Variants in BMP7 observed in about 807,000 individuals in gnomAD.
BMP7 encodes bone morphogenetic protein 7.
BMP7 carries 12 observed loss-of-function variants against 41.2 expected under a neutral mutation model. That is an observed-to-expected ratio of 0.29 (90% CI 0.19 to 0.47). BMP7 has a LOEUF of 0.47. Ranked by LOEUF, BMP7 falls within the 20% of genes least tolerant of loss-of-function variation. The probability of loss-of-function intolerance (pLI) is 0.99; values close to 1 mark genes in which losing one functional copy is unlikely to be tolerated. For missense variants in BMP7, 467 were observed against 606.0 expected (o/e 0.77, Z 2.41); for synonymous variants, 248 against 250.0 (o/e 0.99, Z 0.07).
chr20:57,240,985 T>C (rs1177602883), intron 1 of BMP7, among the ~76,000 whole-genome samples: 2 of 152,180 alleles, frequency 1.3e-5, no homozygotes, highest in African/African-American at 4.8e-5. Context: ...GCCCTCCCAC[T>C]GGCCTGGCTG....
At chr20:57,253,383 A>T (rs2066121842) in intron 1 of BMP7, among the ~76,000 whole-genome samples, 1 of 152,196 alleles carries the variant, frequency 6.6e-6, no homozygotes, top group South Asian at 2.1e-4. Context: ...CAAGAAGAAA[A>T]TCGAAAGATC....
chr20:57,265,653 GTC>G, intron 1 of BMP7, 50 bp downstream of exon 1: 1 of 1,559,010 alleles, frequency 6.4e-7, no homozygotes, highest in Non-Finnish European at 8.7e-7. Flanking sequence ...CTCCCTCCCA[GTC>G]TCAAAGTGCC....
At chr20:57,218,436 T>TGTTTGTTTGGTGGTAGCTGGG (rs1985086821) in intron 2 of BMP7, among the ~76,000 whole-genome samples, 1 of 27,914 alleles carries the variant, frequency 3.6e-5, no homozygotes, top group Non-Finnish European at 6.7e-5. Flanking sequence ...TGGTAGCTGG[T>TGTTTGTTTGGTGGTAGCTGGG]GTTTGGTGGT....
At chr20:57,211,283 G>A (rs1408127600) in intron 2 of BMP7, among the ~76,000 whole-genome samples, 1 of 152,214 alleles carries the variant, frequency 6.6e-6, no homozygotes, top group East Asian at 1.9e-4. Flanking sequence ...TGAGGGGCAG[G>A]GAGGCTCAGG....
intron 2 of BMP7, chr20:57,225,978 G>A (rs1243888494): frequency 2.1e-6 from 1 of 470,750 alleles, no homozygotes; most frequent in Non-Finnish European, 4.4e-6. Flanking sequence ...GAGGGACTCA[G>A]TCACTCAGCA....
At chr20:57,181,967 T>C (rs1380105075) in intron 4 of BMP7, among the ~76,000 whole-genome samples, 2 of 152,220 alleles carry the variant, frequency 1.3e-5, no homozygotes, top group Non-Finnish European at 2.9e-5. Context: ...ACTGGCATCT[T>C]GGAGAGGCTA....
intron 3 of BMP7, among the ~76,000 whole-genome samples, chr20:57,191,378 C>A (rs1361546613): frequency 6.6e-6 from 1 of 152,078 alleles, no homozygotes; most frequent in Non-Finnish European, 1.5e-5. Flanking sequence ...GAGGAGCATG[C>A]AAATTAGCCT....
At chr20:57,249,312 G>C (rs2066102975) in intron 1 of BMP7, among the ~76,000 whole-genome samples, 1 of 151,960 alleles carries the variant, frequency 6.6e-6, no homozygotes, top group Non-Finnish European at 1.5e-5. Flanking sequence ...GTTTTGGTAT[G>C]ATACAGGTCC....
chr20:57,262,094 C>G (rs2066156372), intron 1 of BMP7, among the ~76,000 whole-genome samples: 1 of 152,194 alleles, frequency 6.6e-6, no homozygotes, highest in Admixed American at 6.5e-5. Context: ...CAGAGATAAA[C>G]ATGATGACTT....
intron 3 of BMP7, among the ~76,000 whole-genome samples, chr20:57,191,936 GTATAT>G (rs956902407): frequency 8.0e-6 from 1 of 124,268 alleles, no homozygotes; most frequent in Non-Finnish European, 1.6e-5. Context: ...TTCTATTATA[GTATAT>G]TATATAATAT....
At chr20:57,193,011 A>G (rs1984410781) in intron 3 of BMP7, among the ~76,000 whole-genome samples, 1 of 152,140 alleles carries the variant, frequency 6.6e-6, no homozygotes, top group Non-Finnish European at 1.5e-5. Flanking sequence ...CCTACCTGAC[A>G]GGCAGGTAGA....
intron 1 of BMP7, among the ~76,000 whole-genome samples, chr20:57,230,805 T>TGTA (rs2066026485): frequency 1.3e-5 from 2 of 151,556 alleles, no homozygotes; most frequent in Admixed American, 6.6e-5. Context: ...GCCTCCCAAG[T>TGTA]GGCTGGGACT....
Position 57,184,903 on chromosome 20 carries a change from G to A in BMP7, c.761-984C>T, listed in dbSNP as rs144325736. ...GTGGCACCTTGACTTTAGACTTCTC[G>A]CCTCCAGACTGTGAGACAATAAAGC... On this transcript the variant is annotated intron_variant, in intron 3 of 6. Transcript: ENST00000395863. Among the ~76,000 whole-genome samples, 9 of 152,272 alleles carry A rather than the reference G, an allele frequency of 5.9e-5. No homozygotes were observed. In the East Asian group the frequency reaches 1.2e-3, roughly 20 times the overall value.
At chr20:57,183,978 C>T in intron 3 of BMP7, 59 bp from the exon 4 acceptor site, 1 of 1,577,322 alleles carries the variant, frequency 6.3e-7, no homozygotes, top group Non-Finnish European at 8.6e-7. Flanking sequence ...ACGAGCGGGA[C>T]AGGGCTGCAG....
intron 2 of BMP7, among the ~76,000 whole-genome samples, chr20:57,204,370 T>C (rs1984688119): frequency 1.3e-5 from 2 of 152,238 alleles, no homozygotes; most frequent in Non-Finnish European, 2.9e-5. Context: ...ACCCTTCTGC[T>C]GCATGCCATA....
rs1568723003 is a variant in BMP7, at chr20:57,228,608, A to G, written c.419-187T>C. On this transcript the variant is annotated intron_variant, in intron 1 of 6. Transcript: ENST00000395863. This position sits in a 1 kb window ranked among gnomAD's most constrained non-coding sequence, Gnocchi z 4.5. ...CTGGAGGGTCACAGGCTCAGACCCC[A>G]TGGTCCCCATGGTCATCCTGAACGA... 1.3e-5 allele frequency among the ~76,000 whole-genome samples: 2 copies of G among 152,164 alleles called. No homozygotes were observed. Among genetic ancestry groups the G allele is most frequent in the South Asian group, 2.1e-4 (1 of 4,818 alleles).
chr20:57,253,324 G>A (rs888441307), intron 1 of BMP7, among the ~76,000 whole-genome samples: 5 of 152,236 alleles, frequency 3.3e-5, no homozygotes, highest in African/African-American at 1.2e-4. Context: ...AACTTGAGAA[G>A]TGGGAAGATT....
chr20:57,228,313 A>T lies in BMP7; in HGVS notation c.527T>A (p.Ile176Asn), dbSNP rs927802614. The T allele has an allele frequency of 3.7e-6, 6 of 1,613,908 alleles. No homozygotes were observed. Among genetic ancestry groups the T allele is most frequent in the Non-Finnish European group, 5.1e-6 (6 of 1,180,022 alleles). Residue 176 changes from isoleucine (I) to asparagine (N), a missense_variant, in exon 2 of 7, where the codon ATC becomes AAC. Physicochemically the swap from Ile to Asn is moderately radical, Grantham distance 149. Transcript: ENST00000395863. The surrounding 1 kb of genome is among the most constrained non-coding windows in gnomAD (Gnocchi z 4.5). ...GCGTTCCCGGATGTAGTCCTTGTAG[A>T]TCCGGAATTCGGCTGCCGTGACAGC... Reference protein sequence around the residue: ...GEAVTAAEFRIYKDYIRERFD... With the variant: ...GEAVTAAEFRNYKDYIRERFD...
At chr20:57,252,077 C>T (rs578120328) in intron 1 of BMP7, among the ~76,000 whole-genome samples, 4 of 152,214 alleles carry the variant, frequency 2.6e-5, no homozygotes, top group South Asian at 4.1e-4. Context: ...CGGTCACCAT[C>T]GTGTCTGTGG....
Sources: allele counts gnomAD v4.1 joint callset (sites outside exome capture counted in the v4.1 genomes callset), GRCh38; gene constraint gnomAD v4.1.1; non-coding constraint Gnocchi (gnomAD v3.1); transcripts MANE v1.5; gene names NCBI Gene and HGNC (gene_info 2026-07-23, HGNC 2026-07-21).